SLC22A23: variants seen among roughly 807,000 people sequenced by gnomAD.
SLC22A23 encodes the protein solute carrier family 22 member 23.
A neutral mutation model predicts 61.0 loss-of-function variants in SLC22A23; 26 were observed. The ratio of observed to expected loss-of-function variants is 0.43; its 90% CI spans 0.31 to 0.59. The LOEUF is 0.59. SLC22A23 is among the 20% of genes least tolerant of loss of function. The pLI is 0.11. For missense variants in SLC22A23, 796 were observed against 934.7 expected, an observed-to-expected ratio of 0.85 and a Z score of 1.94; for synonymous variants, 430 against 413.9, an observed-to-expected ratio of 1.04 and a Z score of -0.47.
chr6:3,373,734 A>G (rs994320062), intron 3 of SLC22A23, among the ~76,000 whole-genome samples: 1 of 152,216 alleles, frequency 6.6e-6, no homozygotes, highest in Non-Finnish European at 1.5e-5. Context: ...CTATTGTTCC[A>G]TTCAGTGTTG....
chr6:3,361,154 G>A (rs1418657620), intron 3 of SLC22A23, among the ~76,000 whole-genome samples: 1 of 149,686 alleles, frequency 6.7e-6, no homozygotes, highest in Non-Finnish European at 1.5e-5. Flanking sequence ...CCCCAAAGGA[G>A]CCTGCAGCAG....
At chr6:3,351,308 T>C (rs1167488193) in intron 3 of SLC22A23, among the ~76,000 whole-genome samples, 2 of 151,966 alleles carry the variant, frequency 1.3e-5, no homozygotes, top group African/African-American at 2.4e-5. Context: ...GTAATCGGAG[T>C]GCGGTGGAAA....
chr6:3,330,462 C>T lies in SLC22A23; in HGVS notation c.914-6460G>A, dbSNP rs922116650. On this transcript the variant is annotated intron_variant, in intron 3 of 9. Transcript: ENST00000406686. This position sits in a 1 kb window ranked among gnomAD's most constrained non-coding sequence, Gnocchi z 4.7. ...CTCGCTGGCCTCACCATCTCCCAGACCACCATGCGAGCCTCTCTCCTCTTC... is the reference window on the plus strand; with the variant it reads ...CTCGCTGGCCTCACCATCTCCCAGATCACCATGCGAGCCTCTCTCCTCTTC... Among the ~76,000 whole-genome samples the T allele has an allele frequency of 1.3e-5, 2 of 152,208 alleles. No individual in the cohort carries two copies. Among genetic ancestry groups the T allele is most frequent in the African/African-American group, 4.8e-5 (2 of 41,436 alleles).
At chr6:3,363,185 A>T (rs1765589781) in intron 3 of SLC22A23, among the ~76,000 whole-genome samples, 1 of 152,256 alleles carries the variant, frequency 6.6e-6, no homozygotes, top group Non-Finnish European at 1.5e-5. Flanking sequence ...TTAACACAAA[A>T]TACAAAAGCA....
chr6:3,431,671 G>A (rs1770873022), intron 1 of SLC22A23, among the ~76,000 whole-genome samples: 1 of 152,220 alleles, frequency 6.6e-6, no homozygotes, highest in Non-Finnish European at 1.5e-5. Context: ...GAGGTCATTT[G>A]AGAGCACCTG....
rs1055346839 is a variant in SLC22A23, at chr6:3,372,629, A to C, written c.913+37559T>G. On this transcript the variant is annotated intron_variant, in intron 3 of 9. Coordinates refer to ENST00000406686, the MANE Select transcript of SLC22A23 (RefSeq NM_015482.2). This position sits in a 1 kb window ranked among gnomAD's most constrained non-coding sequence, Gnocchi z 4.7. Reference sequence around the variant, plus strand: ...ATGTCTCATGCACAGGGCCCTCAGCATGGACTGCAGCCTCCCAGCTCAGCT... The same window carrying C: ...ATGTCTCATGCACAGGGCCCTCAGCCTGGACTGCAGCCTCCCAGCTCAGCT... 3.9e-5 allele frequency among the ~76,000 whole-genome samples: 6 copies of C among 152,174 alleles called. No homozygotes were observed. Among genetic ancestry groups the C allele is most frequent in the African/African-American group, 1.4e-4 (6 of 41,452 alleles).
Position 3,415,816 on chromosome 6 carries a change from C to T in SLC22A23, c.694G>A (p.Ala232Thr), listed in dbSNP as rs565382320. The T allele has an allele frequency of 3.5e-5, 55 of 1,552,070 alleles. No individual in the cohort carries two copies. Among genetic ancestry groups the T allele is most frequent in the Admixed American group, 5.9e-5 (3 of 50,992 alleles). ...AATCCAACCAGTAAGGAGAACTTAGCGATATGGACCTTCCAGGCATTATCA... is the reference window on the plus strand; with the variant it reads ...AATCCAACCAGTAAGGAGAACTTAGTGATATGGACCTTCCAGGCATTATCA... Reference protein sequence around the residue: ...VCDNAWKVHIAKFSLLVGLIF... With the variant: ...VCDNAWKVHITKFSLLVGLIF... The change falls in exon 2 of 10, where the codon GCT (alanine) becomes ACT (threonine). Residue 232 changes from alanine to threonine, a missense_variant. By Grantham distance (58) the Ala-to-Thr change is moderately conservative. Transcript: ENST00000406686.
rs1474901716 is a variant in SLC22A23, at chr6:3,297,323, A to G, written c.1210+768T>C. 1.3e-5 allele frequency among the ~76,000 whole-genome samples: 2 copies of G among 152,164 alleles called. No homozygotes were observed. Among genetic ancestry groups the G allele is most frequent in the Non-Finnish European group, 2.9e-5 (2 of 68,032 alleles). On this transcript the variant is annotated intron_variant, in intron 5 of 9. Transcript: ENST00000406686. The surrounding 1 kb of genome is among the most constrained non-coding windows in gnomAD (Gnocchi z 4.3). ...TTTCCCAGGGAATTTTATAGCAACAATTTATCCCAGGTCTTCAGTGAGGGC... is the reference window on the plus strand; with the variant it reads ...TTTCCCAGGGAATTTTATAGCAACAGTTTATCCCAGGTCTTCAGTGAGGGC...
chr6:3,429,386 A>G (rs139111057), intron 1 of SLC22A23, among the ~76,000 whole-genome samples: 1 of 152,366 alleles, frequency 6.6e-6, no homozygotes, highest in East Asian at 1.9e-4. Context: ...CACAACAAGA[A>G]GCAGTCAACT....
chr6:3,271,677 A>G lies in SLC22A23; in HGVS notation c.*1378T>C, dbSNP rs572166429. The stretch of plus-strand genomic sequence containing the variant: ...AAAAGCTGGTGCCCAAGTTGCTACA[A>G]AGTGGTGCCTGCCCTTGCCAAGGAG... On this transcript the variant is annotated 3_prime_UTR_variant, in exon 10 of 10. Coordinates refer to ENST00000406686, the MANE Select transcript of SLC22A23 (RefSeq NM_015482.2). The G allele has an allele frequency of 6.6e-6, 1 of 152,394 alleles. No individual in the cohort carries two copies. The highest frequency in any genetic ancestry group is 1.9e-4 in the East Asian group (1 of 5,318). 9.4% of individuals were successfully genotyped at this position (152,394 alleles called of 1,614,324 possible). A position where few individuals can be genotyped will look rare whatever the true frequency, so the allele number is the denominator to read the frequency against.
At chr6:3,362,870 G>A (rs1242276105) in intron 3 of SLC22A23, among the ~76,000 whole-genome samples, 3 of 152,100 alleles carry the variant, frequency 2.0e-5, no homozygotes. Flanking sequence ...TGGTGGGACA[G>A]GGGAATGTCC....
chr6:3,316,115 C>T (rs1308776590), intron 4 of SLC22A23, among the ~76,000 whole-genome samples: 1 of 152,136 alleles, frequency 6.6e-6, no homozygotes, highest in Non-Finnish European at 1.5e-5. Flanking sequence ...CTAGCAAGTT[C>T]CCAAGTGATG....
intron 1 of SLC22A23, 145 bp downstream of exon 1, chr6:3,455,761 G>A: frequency 1.0e-6 from 1 of 995,932 alleles, no homozygotes; most frequent in Non-Finnish European, 1.4e-6. Context: ...TGGTTTGGGG[G>A]ACGGAAGGAG....
At chr6:3,374,638 T>C (rs1475001819) in intron 3 of SLC22A23, among the ~76,000 whole-genome samples, 1 of 152,114 alleles carries the variant, frequency 6.6e-6, no homozygotes, top group Non-Finnish European at 1.5e-5. Flanking sequence ...AAAGTGACCA[T>C]AATGAAAGTG....
intron 1 of SLC22A23, among the ~76,000 whole-genome samples, chr6:3,441,372 G>T (rs1561985442): frequency 6.6e-6 from 1 of 152,086 alleles, no homozygotes; most frequent in African/African-American, 2.4e-5. Context: ...TCTACTGGGG[G>T]AAAAAAATCA....
At position 3,360,811 on chromosome 6, in the gene SLC22A23, C is replaced by A. The variant is rs1216404390; in HGVS notation, c.914-36809G>T. On this transcript the variant is annotated intron_variant, in intron 3 of 9. Coordinates refer to ENST00000406686, the MANE Select transcript of SLC22A23 (RefSeq NM_015482.2). This position sits in a 1 kb window ranked among gnomAD's most constrained non-coding sequence, Gnocchi z 4.6. ...TGATGGAGACCTGCGTTCGGCCAGGCAGGCCCACAGCTGGCGTGGTCATCC... is the reference window on the plus strand; with the variant it reads ...TGATGGAGACCTGCGTTCGGCCAGGAAGGCCCACAGCTGGCGTGGTCATCC... Among the ~76,000 whole-genome samples, 1 of 150,902 alleles carries A rather than the reference C, an allele frequency of 6.6e-6. No homozygotes were observed. Among genetic ancestry groups the A allele is most frequent in the Non-Finnish European group, 1.5e-5 (1 of 67,996 alleles).
rs1772297664 is a variant in SLC22A23, at chr6:3,454,496, G to A, written c.654+1410C>T. Among the ~76,000 whole-genome samples the A allele has an allele frequency of 1.3e-5, 2 of 152,166 alleles. No individual in the cohort carries two copies. Among genetic ancestry groups the A allele is most frequent in the Non-Finnish European group, 2.9e-5 (2 of 68,042 alleles). On this transcript the variant is annotated intron_variant, in intron 1 of 9. Transcript: ENST00000406686. This position sits in a 1 kb window ranked among gnomAD's most constrained non-coding sequence, Gnocchi z 4.3. ...GACACTTGAAATACTTAACAATGTTGCCAAATCCTCAGTCTGTCAGACATA... is the reference window on the plus strand; with the variant it reads ...GACACTTGAAATACTTAACAATGTTACCAAATCCTCAGTCTGTCAGACATA...
intron 1 of SLC22A23, among the ~76,000 whole-genome samples, chr6:3,437,317 T>A (rs1222203044): frequency 6.6e-6 from 1 of 152,042 alleles, no homozygotes; most frequent in Non-Finnish European, 1.5e-5. Context: ...CTTGACAATA[T>A]CCACTTTTGA....
chr6:3,311,353 C>T lies in SLC22A23; in HGVS notation c.1082+12481G>A, dbSNP rs560568528. Reference sequence around the variant, plus strand: ...CTAAAGGGGTGATTCTAGCCACTGACGCTTTGGGGTGTTGCCACGTATCAG... The same window carrying T: ...CTAAAGGGGTGATTCTAGCCACTGATGCTTTGGGGTGTTGCCACGTATCAG... On this transcript the variant is annotated intron_variant, in intron 4 of 9. Transcript: ENST00000406686. 5.3e-5 allele frequency among the ~76,000 whole-genome samples: 8 copies of T among 152,188 alleles called. No homozygotes were observed. In the South Asian group the frequency reaches 1.2e-3, roughly 24 times the overall value.
Sources: allele counts gnomAD v4.1 joint callset (sites outside exome capture counted in the v4.1 genomes callset), GRCh38; gene constraint gnomAD v4.1.1; non-coding constraint Gnocchi (gnomAD v3.1); transcripts MANE v1.5; gene names NCBI Gene and HGNC (gene_info 2026-07-23, HGNC 2026-07-21).